NEK7: variants seen among roughly 807,000 people sequenced by gnomAD.
NEK7 encodes the protein serine/threonine-protein kinase Nek7.
In NEK7, 18 loss-of-function variants were observed where a neutral mutation model predicts 44.6. The ratio of observed to expected loss-of-function variants is 0.40; its 90% CI spans 0.28 to 0.60. The LOEUF is 0.60. Among genes scored for constraint, NEK7 ranks in the 20% least tolerant of loss-of-function variants. The pLI is 0.38. For synonymous variants in NEK7, 130 were observed against 121.1 expected (o/e 1.07, Z -0.48); for missense variants, 256 against 366.5 (o/e 0.70, Z 2.46).
chr1:198,214,239 C>G (rs568767654), intron 1 of NEK7, among the ~76,000 whole-genome samples: 54 of 152,136 alleles, frequency 3.5e-4, no homozygotes, highest in African/African-American at 1.1e-3. Flanking sequence ...GAGAAAGAAC[C>G]TGAAAAATAA....
intron 2 of NEK7, among the ~76,000 whole-genome samples, chr1:198,248,940 G>A (rs959441367): frequency 6.6e-6 from 1 of 151,716 alleles, no homozygotes; most frequent in African/African-American, 2.4e-5. Flanking sequence ...TGCACAATGT[G>A]CAGGTTAGTT....
At chr1:198,264,070 G>A (rs1198902098) in intron 4 of NEK7, 55 bp from the exon 5 acceptor site, 2 of 1,513,312 alleles carry the variant, frequency 1.3e-6, no homozygotes, top group Non-Finnish European at 1.8e-6. Flanking sequence ...AACTATAAGT[G>A]ACTCTTGGAT....
intron 1 of NEK7, chr1:198,197,699 C>A: frequency 2.1e-6 from 1 of 487,430 alleles, no homozygotes; most frequent in South Asian, 2.0e-5. Flanking sequence ...GGGCTACTTT[C>A]CCCTGGTACA....
chr1:198,295,018 C>T (rs1654669469), intron 8 of NEK7, among the ~76,000 whole-genome samples: 1 of 150,792 alleles, frequency 6.6e-6, no homozygotes, highest in Admixed American at 6.6e-5. Context: ...ACAATGAAGA[C>T]GTAGGAAGCC....
At chr1:198,171,750 G>A (rs544627075) in intron 1 of NEK7, among the ~76,000 whole-genome samples, 1 of 151,828 alleles carries the variant, frequency 6.6e-6, no homozygotes, top group South Asian at 2.1e-4. Context: ...CCATGTTCCT[G>A]TCTTAGGGCA....
intron 4 of NEK7, among the ~76,000 whole-genome samples, chr1:198,263,569 G>T: frequency 6.6e-6 from 1 of 151,984 alleles, no homozygotes; most frequent in South Asian, 2.1e-4. Flanking sequence ...TTTCTACAAG[G>T]TAAAATTTTT....
chr1:198,305,958 T>G (rs1384709085), intron 9 of NEK7, among the ~76,000 whole-genome samples: 1 of 152,168 alleles, frequency 6.6e-6, no homozygotes, highest in African/African-American at 2.4e-5. Flanking sequence ...CAGATCAAGT[T>G]AGAATTTTCC....
chr1:198,234,676 T>C (rs72751041), intron 2 of NEK7, among the ~76,000 whole-genome samples: 6,634 of 152,300 alleles, frequency 0.044, 226 homozygotes, highest in Middle Eastern at 0.065. Flanking sequence ...AGTATAAATT[T>C]CAAAATTATA....
chr1:198,177,955 A>G (rs1035758898), intron 1 of NEK7, among the ~76,000 whole-genome samples: 1 of 152,134 alleles, frequency 6.6e-6, no homozygotes, highest in African/African-American at 2.4e-5. Flanking sequence ...GCACAGAAAC[A>G]TAAGAATTAA....
At chr1:198,222,789 T>G (rs1666106921) in intron 1 of NEK7, among the ~76,000 whole-genome samples, 2 of 144,944 alleles carry the variant, frequency 1.4e-5, no homozygotes, top group South Asian at 4.4e-4. Flanking sequence ...GCAGAGGAGA[T>G]AAACACAATA....
chr1:198,318,047 G>T (rs1655428541), intron 9 of NEK7, among the ~76,000 whole-genome samples: 1 of 151,634 alleles, frequency 6.6e-6, no homozygotes, highest in Non-Finnish European at 1.5e-5. Flanking sequence ...AAATCTTCAG[G>T]CTCTCCCAGT....
intron 1 of NEK7, among the ~76,000 whole-genome samples, chr1:198,180,585 C>G (rs1340960855): frequency 1.3e-5 from 2 of 152,044 alleles, no homozygotes; most frequent in African/African-American, 4.8e-5. Context: ...CATTTTCCCC[C>G]TTTGGGTACA....
intron 7 of NEK7, among the ~76,000 whole-genome samples, chr1:198,280,575 AG>A (rs563234466): frequency 6.6e-6 from 1 of 152,048 alleles, no homozygotes; most frequent in Non-Finnish European, 1.5e-5. Flanking sequence ...ACAGAATTTA[AG>A]AACATATATG....
chr1:198,217,715 A>T (rs192675909), intron 1 of NEK7, among the ~76,000 whole-genome samples: 32 of 152,070 alleles, frequency 2.1e-4, no homozygotes, highest in Non-Finnish European at 1.5e-4. Context: ...ACACTCCTAG[A>T]TCTAATAAAT....
chr1:198,278,607 T>G (rs1348859131), intron 6 of NEK7, among the ~76,000 whole-genome samples: 3 of 151,902 alleles, frequency 2.0e-5, no homozygotes, highest in Non-Finnish European at 4.4e-5. Flanking sequence ...TACCAGTAAG[T>G]TAATTTTTAT....
At chr1:198,297,642 T>C (rs548532956) in intron 9 of NEK7, among the ~76,000 whole-genome samples, 1 of 152,302 alleles carries the variant, frequency 6.6e-6, no homozygotes, top group South Asian at 2.1e-4. Context: ...CAGTTGTAAT[T>C]TTCTATTTTG....
chr1:198,188,768 G>A (rs1664987669), intron 1 of NEK7, among the ~76,000 whole-genome samples: 1 of 152,164 alleles, frequency 6.6e-6, no homozygotes, highest in Admixed American at 6.6e-5. Flanking sequence ...CTATATCTGA[G>A]TTCTGCTTTC....
chr1:198,256,363 T>G (rs1360995606), intron 3 of NEK7: 1 of 1,611,656 alleles, frequency 6.2e-7, no homozygotes, highest in Admixed American at 1.7e-5. Flanking sequence ...GAAGAGTGTG[T>G]GCGCTAAATG....
chr1:198,277,344 A>G (rs961264579), intron 5 of NEK7, among the ~76,000 whole-genome samples: 2 of 151,742 alleles, frequency 1.3e-5, no homozygotes, highest in African/African-American at 2.4e-5. Flanking sequence ...TAAGTAGCCT[A>G]TTGGTGCTGT....
Sources: gnomAD v4.1 joint callset for allele counts (sites outside exome capture counted in the v4.1 genomes callset) on GRCh38, gnomAD v4.1.1 for gene constraint, MANE v1.5 for transcripts, NCBI Gene and HGNC (gene_info 2026-07-23, HGNC 2026-07-21) for gene names.